The following CCDC90B variants were observed in gnomAD, a reference collection of about 807,000 sequenced individuals.
CCDC90B encodes coiled-coil domain containing 90B.
A neutral mutation model predicts 37.0 loss-of-function variants in CCDC90B; 24 were observed. The ratio of observed to expected loss-of-function variants is 0.65; its 90% CI spans 0.47 to 0.91. The LOEUF (loss-of-function observed/expected upper bound fraction) is 0.91. CCDC90B is among the 40% of genes least tolerant of loss of function. CCDC90B has a pLI of 0.00. For synonymous variants in CCDC90B, 113 were observed against 101.1 expected (o/e 1.12, Z -0.71); for missense variants, 319 against 299.0 (o/e 1.07, Z -0.49).
At chr11:83,265,812 T>C in intron 8 of CCDC90B, 53 bp downstream of exon 8, 14 of 1,139,784 alleles carry the variant, frequency 1.2e-5, no homozygotes, top group Non-Finnish European at 1.7e-5. Context: ...CCTTGATAGG[T>C]AGAACTAACA....
chr11:83,265,862 TA>T lies in CCDC90B; in HGVS notation c.709+2del. On this transcript the variant is annotated splice_donor_variant, in intron 8 of 8. Transcript: ENST00000529689. LOFTEE classifies it high-confidence loss of function. The stretch of plus-strand genomic sequence containing the variant: ...CAGCAATTTCTTTCTCTGACAGTCT[TA>T]CCTGCAAGATAACGAATTGTCTCAA... 6.4e-7 allele frequency: 1 copy of T among 1,571,978 alleles called. No homozygotes were observed. Among genetic ancestry groups the T allele is most frequent in the Non-Finnish European group, 8.7e-7 (1 of 1,144,634 alleles).
Position 83,260,483 on chromosome 11 carries a change from G to A in CCDC90B, c.*1428C>T, listed in dbSNP as rs1863879172. The A allele has an allele frequency of 6.6e-6, 1 of 152,140 alleles. No individual in the cohort carries two copies. The highest frequency in any genetic ancestry group is 6.6e-5 in the Admixed American group (1 of 15,264). The allele number at this position is 152,140 out of a possible 1,614,324, so 9.4% of individuals were successfully genotyped here. ...TCAGAATGTAACAGGATAATGTCAAGGTTTTTCTTTTGAAAACAAACCAGC... is the reference window on the plus strand; with the variant it reads ...TCAGAATGTAACAGGATAATGTCAAAGTTTTTCTTTTGAAAACAAACCAGC... On this transcript the variant is annotated 3_prime_UTR_variant, in exon 9 of 9. Transcript: ENST00000529689.
Position 83,285,870 on chromosome 11 carries a change from C to G in CCDC90B, c.100+3G>C. 1 of 1,610,942 alleles carries G rather than the reference C, an allele frequency of 6.2e-7. No individual in the cohort carries two copies. The highest frequency in any genetic ancestry group is 8.5e-7 in the Non-Finnish European group (1 of 1,179,296). On this transcript the variant is annotated splice_donor_region_variant and intron_variant, in intron 1 of 8. Coordinates refer to ENST00000529689, the MANE Select transcript of CCDC90B (RefSeq NM_021825.5). ...GCATCTATGACACGACGCCTTGCCT[C>G]ACCTCTCCGCAGGGCCGGCGAGAAA...
At chr11:83,266,173 A>G (rs1006501394) in intron 7 of CCDC90B, among the ~76,000 whole-genome samples, 194 bp from the exon 8 acceptor site, 1 of 152,222 alleles carries the variant, frequency 6.6e-6, no homozygotes, top group Non-Finnish European at 1.5e-5. Context: ...TCCACTCTGC[A>G]GCTCCCAGCG....
rs191099082 is a variant in CCDC90B, at chr11:83,267,750, T to C, written c.595-1771A>G. 5.9e-5 allele frequency among the ~76,000 whole-genome samples: 9 copies of C among 152,066 alleles called. No individual in the cohort carries two copies. The East Asian group carries it at 1.7e-3, about 29-fold the overall frequency. ...CAGGCCAACATTCAAATTCAGGAAATACAAAGAACATCACAAAGATACTCC... is the reference window on the plus strand; with the variant it reads ...CAGGCCAACATTCAAATTCAGGAAACACAAAGAACATCACAAAGATACTCC... On this transcript the variant is annotated intron_variant, in intron 7 of 8. Coordinates refer to ENST00000529689, the MANE Select transcript of CCDC90B (RefSeq NM_021825.5).
At chr11:83,278,658 G>T in intron 3 of CCDC90B, 68 bp downstream of exon 3, 1 of 1,047,690 alleles carries the variant, frequency 9.5e-7, no homozygotes, top group South Asian at 1.4e-5. Context: ...TCAGTAGGTA[G>T]ACAGAGACAT....
rs1703498973 is a variant in CCDC90B, at chr11:83,260,929, T to C, written c.*982A>G. 6.6e-6 allele frequency: 1 copy of C among 152,236 alleles called. No individual in the cohort carries two copies. The highest frequency in any genetic ancestry group is 6.5e-5 in the Admixed American group (1 of 15,286). 9.4% of individuals were successfully genotyped at this position (152,236 alleles called of 1,614,324 possible). On this transcript the variant is annotated 3_prime_UTR_variant, in exon 9 of 9. Coordinates refer to ENST00000529689, the MANE Select transcript of CCDC90B (RefSeq NM_021825.5). ...GAAGTCATTAAGAAAAGCTTTGTTT[T>C]ATGTAATAAATTTAAGATGGGTTAA...
intron 8 of CCDC90B, among the ~76,000 whole-genome samples, chr11:83,262,527 TA>T (rs944404785): frequency 3.6e-4 from 55 of 151,810 alleles, no homozygotes; most frequent in Non-Finnish European, 6.2e-4. Context: ...TCATTTTGGA[TA>T]AAAAAAAATT....
chr11:83,285,258 C>T lies in CCDC90B; in HGVS notation c.100+615G>A, dbSNP rs1478238827. On this transcript the variant is annotated intron_variant, in intron 1 of 8. Coordinates refer to ENST00000529689, the MANE Select transcript of CCDC90B (RefSeq NM_021825.5). The stretch of plus-strand genomic sequence containing the variant: ...TGGGGGTGAAAAACAACGACGACAA[C>T]AAAAACCTAGCCCTAGAAACATTTC... The T allele has an allele frequency of 3.1e-6, 4 of 1,280,156 alleles. No homozygotes were observed. In the African/African-American group the frequency reaches 6.2e-5, roughly 20 times the overall value. 79.3% of individuals were successfully genotyped at this position (1,280,156 alleles called of 1,614,324 possible).
In CCDC90B at chr11:83,283,081, A is replaced by T. The variant is rs1311861161; in HGVS notation, c.100+2792T>A. Among the ~76,000 whole-genome samples, 5 of 152,080 alleles carry T rather than the reference A, an allele frequency of 3.3e-5. 1 individual carries two copies. The highest frequency in any genetic ancestry group is 2.0e-4 in the Admixed American group (3 of 15,280). On this transcript the variant is annotated intron_variant, in intron 1 of 8. Coordinates refer to ENST00000529689, the MANE Select transcript of CCDC90B (RefSeq NM_021825.5). ...TAGGCTCTTTACAGAAAGTTTGTCA[A>T]CCCCTGCACTAAACTATACAGTCCT...
chr11:83,274,194 T>C (rs1864880392), intron 4 of CCDC90B: 1 of 398,734 alleles, frequency 2.5e-6, no homozygotes, highest in South Asian at 1.2e-4. Context: ...CATTTGTTTT[T>C]ATATTATACT....
chr11:83,279,387 G>A (rs1241480892), intron 2 of CCDC90B, among the ~76,000 whole-genome samples: 2 of 150,920 alleles, frequency 1.3e-5, no homozygotes, highest in African/African-American at 4.9e-5. Context: ...TTTTTTTTGA[G>A]TGTGTAATTG....
chr11:83,264,079 C>G (rs995626010), intron 8 of CCDC90B, among the ~76,000 whole-genome samples: 75 of 152,234 alleles, frequency 4.9e-4, no homozygotes, highest in African/African-American at 1.7e-3. Flanking sequence ...AATACTAGCA[C>G]AGGGCCACCA....
intron 8 of CCDC90B, among the ~76,000 whole-genome samples, chr11:83,264,214 A>C (rs1864107148): frequency 1.3e-5 from 2 of 152,228 alleles, no homozygotes; most frequent in African/African-American, 4.8e-5. Context: ...GACTGGATAC[A>C]TAAATTGTGG....
intron 1 of CCDC90B, among the ~76,000 whole-genome samples, chr11:83,280,758 G>C (rs1464773870): frequency 1.3e-5 from 2 of 152,152 alleles, no homozygotes; most frequent in African/African-American, 2.4e-5. Context: ...CTTATTTGCT[G>C]TTTGTATCTC....
chr11:83,284,663 G>T (rs1043074550), intron 1 of CCDC90B, among the ~76,000 whole-genome samples: 7 of 152,222 alleles, frequency 4.6e-5, no homozygotes, highest in African/African-American at 4.8e-5. Flanking sequence ...CCTACTAGTT[G>T]TAAGAAGAGA....
At position 83,273,968 on chromosome 11, in the gene CCDC90B, C is replaced by G; in HGVS notation, c.451G>C (p.Val151Leu). 6.3e-7 allele frequency: 1 copy of G among 1,583,200 alleles called. No homozygotes were observed. The highest frequency in any genetic ancestry group is 8.6e-7 in the Non-Finnish European group (1 of 1,166,336). ...NEKMKIELDQ[V>L]KQQLMHETSR... ...TCACTTACCATTAGTTGTTGCTTAA[C>G]TTGGTCTAATTCAATTTTCATTTTC... Residue 151 changes from valine (V) to leucine (L), a missense_variant, in exon 5 of 9, where the codon GTT (valine) becomes CTT (leucine). By Grantham distance (32) the Val-to-Leu change is conservative. Coordinates refer to ENST00000529689, the MANE Select transcript of CCDC90B (RefSeq NM_021825.5).
At chr11:83,285,847 A>G in intron 1 of CCDC90B, 26 bp downstream of exon 1, 1 of 1,600,370 alleles carries the variant, frequency 6.2e-7, no homozygotes, top group South Asian at 1.1e-5. Context: ...GCACTCAGGC[A>G]TCTATGACAC....
chr11:83,286,194 T>C lies in CCDC90B; in HGVS notation c.-222A>G. The C allele has an allele frequency of 2.0e-6, 3 of 1,533,322 alleles. No individual in the cohort carries two copies. Among genetic ancestry groups the C allele is most frequent in the Non-Finnish European group, 2.6e-6 (3 of 1,144,818 alleles). 95.0% of individuals were successfully genotyped at this position (1,533,322 alleles called of 1,614,324 possible). Reference sequence around the variant, plus strand: ...GCATGGCTCAGCGCTGCCCCGCTTCTCCCAGCGCCCCTTCCCGACCTTTGA... The same window carrying C: ...GCATGGCTCAGCGCTGCCCCGCTTCCCCCAGCGCCCCTTCCCGACCTTTGA... On this transcript the variant is annotated 5_prime_UTR_variant, in exon 1 of 9. Coordinates refer to ENST00000529689, the MANE Select transcript of CCDC90B (RefSeq NM_021825.5).
Sources: gnomAD v4.1 joint callset for allele counts (sites outside exome capture counted in the v4.1 genomes callset) on GRCh38, gnomAD v4.1.1 for gene constraint, MANE v1.5 for transcripts, NCBI Gene and HGNC (gene_info 2026-07-23, HGNC 2026-07-21) for gene names.